Variants in GTF3C1 observed in about 807,000 individuals in gnomAD.
GTF3C1 encodes general transcription factor 3C polypeptide 1.
GTF3C1 carries 57 observed loss-of-function variants against 226.7 expected under a neutral mutation model. The ratio of observed to expected loss-of-function variants is 0.25; its 90% CI spans 0.20 to 0.31. GTF3C1 has a LOEUF of 0.31. Ranked by LOEUF, GTF3C1 falls within the 10% of genes least tolerant of loss-of-function variation. The pLI, the probability that GTF3C1 is intolerant of heterozygous loss-of-function variation, is 1.00. For missense variants in GTF3C1, 2,217 were observed against 2,776.1 expected, an observed-to-expected ratio of 0.80 and a Z score of 4.53; for synonymous variants, 1,090 against 1,084.8, an observed-to-expected ratio of 1.00 and a Z score of -0.09.
intron 6 of GTF3C1, among the ~76,000 whole-genome samples, chr16:27,524,900 T>C (rs922309029): frequency 1.3e-5 from 2 of 152,232 alleles, no homozygotes; most frequent in Non-Finnish European, 2.9e-5. Context: ...ACGCCTGTAA[T>C]CCCAGCACTT....
rs750491892 is a variant in GTF3C1 at position 27,501,173 on chromosome 16, G to A, written c.2061+18C>T. ...CAGCACGAGGCTGGCTCTGGGCATCGGGGGAGGCCCTGGTTACCTTCTTCT... is the reference window on the plus strand; with the variant it reads ...CAGCACGAGGCTGGCTCTGGGCATCAGGGGAGGCCCTGGTTACCTTCTTCT... On this transcript the variant is annotated intron_variant, in intron 12 of 36. Coordinates refer to ENST00000356183, the MANE Select transcript of GTF3C1 (RefSeq NM_001520.4). The A allele has an allele frequency of 9.4e-6, 15 of 1,599,362 alleles. No homozygotes were observed. Among genetic ancestry groups the A allele is most frequent in the Admixed American group, 8.4e-5 (5 of 59,798 alleles).
intron 2 of GTF3C1, 145 bp from the exon 3 acceptor site, chr16:27,538,501 G>A (rs905266431): frequency 2.3e-5 from 13 of 553,236 alleles, no homozygotes; most frequent in Non-Finnish European, 4.1e-5. Context: ...GCAAGTTTCA[G>A]TCTTAGAAGT....
rs893179524 is a variant in GTF3C1 at position 27,462,234 on chromosome 16, C to T, written c.6117+60G>A. 69 of 1,221,078 alleles carry T rather than the reference C, an allele frequency of 5.7e-5. No homozygotes were observed. Among genetic ancestry groups the T allele is most frequent in the Middle Eastern group, 2.6e-4 (1 of 3,910 alleles). 75.6% of individuals were successfully genotyped at this position (1,221,078 alleles called of 1,614,324 possible). On this transcript the variant is annotated intron_variant, in intron 36 of 36. Coordinates refer to ENST00000356183, the MANE Select transcript of GTF3C1 (RefSeq NM_001520.4). The surrounding 1 kb of genome is among the most constrained non-coding windows in gnomAD (Gnocchi z 4.5). ...TTGCCTGGGGCCTGAACATCACAGC[C>T]GGGCCACTGAGTGCACCCAGCCGCC...
At chr16:27,523,691 T>C (rs921308157) in intron 6 of GTF3C1, among the ~76,000 whole-genome samples, 17 of 152,132 alleles carry the variant, frequency 1.1e-4, no homozygotes, top group Non-Finnish European at 2.4e-4. Context: ...ATAAAGCATG[T>C]AAAGCGTGTG....
chr16:27,465,222 G>A (rs745518261), intron 33 of GTF3C1, 38 bp downstream of exon 33: 10 of 1,599,058 alleles, frequency 6.3e-6, no homozygotes, highest in South Asian at 5.5e-5. Context: ...TGCAATTTCC[G>A]CTTCGGTGAT....
chr16:27,463,610 G>C lies in GTF3C1; in HGVS notation c.5873-18C>G, dbSNP rs1330518141. The C allele has an allele frequency of 1.4e-5, 21 of 1,511,990 alleles. No homozygotes were observed. The highest frequency in any genetic ancestry group is 1.9e-5 in the Non-Finnish European group (21 of 1,086,528). 93.7% of individuals were successfully genotyped at this position (1,511,990 alleles called of 1,614,324 possible). A position where few individuals can be genotyped will look rare whatever the true frequency, so the allele number is the denominator to read the frequency against. ...TGTGAACCCTGAGGGAAGAGGAAGA[G>C]AATGTGAGAGACTCGGAAAGTCAGG... is the stretch of plus-strand genomic sequence containing the variant. On this transcript the variant is annotated intron_variant, in intron 34 of 36. Transcript: ENST00000356183. The surrounding 1 kb of genome is among the most constrained non-coding windows in gnomAD (Gnocchi z 4.9).
Position 27,493,970 on chromosome 16 carries a change from C to T in GTF3C1, c.2779-674G>A, listed in dbSNP as rs192796614. Among the ~76,000 whole-genome samples, 8 of 151,756 alleles carry T rather than the reference C, an allele frequency of 5.3e-5. No homozygotes were observed. In the East Asian group the frequency reaches 1.2e-3, roughly 22 times the overall value. ...GGGAGATCACACACATACCCGTGTA[C>T]ATACAAGTATGGCATAGCAATAAAA... is the stretch of plus-strand genomic sequence containing the variant. On this transcript the variant is annotated intron_variant, in intron 16 of 36. Coordinates refer to ENST00000356183, the MANE Select transcript of GTF3C1 (RefSeq NM_001520.4).
intron 32 of GTF3C1, among the ~76,000 whole-genome samples, chr16:27,467,998 C>A (rs1239078167): frequency 2.0e-5 from 3 of 151,996 alleles, no homozygotes; most frequent in African/African-American, 7.3e-5. Flanking sequence ...CCATTAAGAA[C>A]ATCTGTGATT....
chr16:27,522,882 A>G (rs1269792904), intron 6 of GTF3C1, among the ~76,000 whole-genome samples: 1 of 152,204 alleles, frequency 6.6e-6, no homozygotes, highest in Admixed American at 6.5e-5. Context: ...CAGATTGTGC[A>G]CGGTGGGTCT....
At chr16:27,500,019 G>GC (rs374673191) in intron 12 of GTF3C1, among the ~76,000 whole-genome samples, 55 of 152,084 alleles carry the variant, frequency 3.6e-4, no homozygotes, top group African/African-American at 1.1e-3. Context: ...AGGTTATGTG[G>GC]CCCCCCATGC....
chr16:27,464,187 A>G (rs2087746677), intron 34 of GTF3C1, 133 bp downstream of exon 34: 1 of 516,638 alleles, frequency 1.9e-6, no homozygotes, highest in South Asian at 4.6e-5. Context: ...AGGCTCTGAG[A>G]AGCTGAAGTC....
In GTF3C1 at chr16:27,464,837, C is replaced by T. The variant is rs561383320; in HGVS notation, c.5356-1G>A. 1 of 1,504,364 alleles carries T rather than the reference C, an allele frequency of 6.6e-7. No homozygotes were observed. The highest frequency in any genetic ancestry group is 2.3e-5 in the Admixed American group (1 of 44,262). 93.2% of individuals were successfully genotyped at this position (1,504,364 alleles called of 1,614,324 possible). Reference sequence around the variant, plus strand: ...GCACCTGATGCTGCTCCAGGAGGGCCTGGGGAGGCAGGAGACACGCGGGGT... The same window carrying T: ...GCACCTGATGCTGCTCCAGGAGGGCTTGGGGAGGCAGGAGACACGCGGGGT... On this transcript the variant is annotated splice_acceptor_variant, in intron 33 of 36. Transcript: ENST00000356183. LOFTEE classifies it high-confidence loss of function.
At chr16:27,515,362 T>C (rs971600862) in intron 6 of GTF3C1, among the ~76,000 whole-genome samples, 2 of 151,510 alleles carry the variant, frequency 1.3e-5, no homozygotes, top group African/African-American at 4.9e-5. Flanking sequence ...AGCAGGAGGA[T>C]TGCTTGAGCC....
Position 27,463,286 on chromosome 16 carries a change from G to GT in GTF3C1, c.5924+254dup. 6 of 529,380 alleles carry GT rather than the reference G, an allele frequency of 1.1e-5. No individual in the cohort carries two copies. The highest frequency in any genetic ancestry group is 2.0e-5 in the Non-Finnish European group (6 of 300,104). 32.8% of individuals were successfully genotyped at this position (529,380 alleles called of 1,614,324 possible). A position where few individuals can be genotyped will look rare whatever the true frequency, so the allele number is the denominator to read the frequency against. ...AGCACAGCTGACAGCACCAGGCATG[G>GT]TTCTCCACCAGCGCCCTGGGCATTC... On this transcript the variant is annotated intron_variant, in intron 35 of 36. Coordinates refer to ENST00000356183, the MANE Select transcript of GTF3C1 (RefSeq NM_001520.4). This position sits in a 1 kb window ranked among gnomAD's most constrained non-coding sequence, Gnocchi z 4.9.
intron 2 of GTF3C1, among the ~76,000 whole-genome samples, chr16:27,539,659 C>T (rs1455429427): frequency 1.3e-5 from 2 of 152,200 alleles, no homozygotes; most frequent in African/African-American, 4.8e-5. Flanking sequence ...CCTGAAAGTT[C>T]ACGTGTTAGA....
At chr16:27,475,022 T>G (rs2087931256) in intron 29 of GTF3C1, among the ~76,000 whole-genome samples, 1 of 152,228 alleles carries the variant, frequency 6.6e-6, no homozygotes, top group Non-Finnish European at 1.5e-5. Context: ...AGGGTGCTGC[T>G]CTGAAGCAGG....
At chr16:27,505,177 A>T (rs1453948099) in intron 10 of GTF3C1, among the ~76,000 whole-genome samples, 1 of 152,202 alleles carries the variant, frequency 6.6e-6, no homozygotes, top group African/African-American at 2.4e-5. Flanking sequence ...CCTTCCAATT[A>T]TATTGACGAA....
At chr16:27,533,242 T>C (rs2088948220) in intron 5 of GTF3C1, 49 bp downstream of exon 5, 1 of 895,084 alleles carries the variant, frequency 1.1e-6, no homozygotes, top group East Asian at 2.4e-5. Context: ...ACCTCCCGGC[T>C]ATGGTACAGA....
chr16:27,534,338 G>T (rs1167242076), intron 4 of GTF3C1, among the ~76,000 whole-genome samples: 1 of 152,206 alleles, frequency 6.6e-6, no homozygotes, highest in East Asian at 1.9e-4. Context: ...AGGGGTGCAG[G>T]GAGAAATCTT....
Sources: allele counts gnomAD v4.1 joint callset (sites outside exome capture counted in the v4.1 genomes callset), GRCh38; gene constraint gnomAD v4.1.1; non-coding constraint Gnocchi (gnomAD v3.1); transcripts MANE v1.5; gene names NCBI Gene and HGNC (gene_info 2026-07-23, HGNC 2026-07-21).